The following STARD13 variants were observed in gnomAD, a reference collection of about 807,000 sequenced individuals.
The protein encoded by STARD13 is StAR related lipid transfer domain containing 13, also known as stAR-related lipid transfer protein 13.
In STARD13, 62 loss-of-function variants were observed where a neutral mutation model predicts 106.4. That is an observed-to-expected ratio of 0.58 (90% CI 0.48 to 0.72). The LOEUF (loss-of-function observed/expected upper bound fraction) is 0.72, where lower values mean the gene tolerates loss of function less well. Among genes scored for constraint, STARD13 ranks in the 30% least tolerant of loss-of-function variants. STARD13 has a pLI of 0.00. For missense variants in STARD13, 1,387 were observed against 1,424.0 expected (o/e 0.97, Z 0.42); for synonymous variants, 565 against 553.0 (o/e 1.02, Z -0.31).
chr13:33,603,913 C>T, the STARD13 span, among the ~76,000 whole-genome samples: 1 of 152,028 alleles, frequency 6.6e-6, no homozygotes, highest in South Asian at 2.1e-4. Flanking sequence ...CCTAAAATTC[C>T]AGATAACATA....
chr13:33,521,231 T>A, the STARD13 span, among the ~76,000 whole-genome samples: 1 of 152,248 alleles, frequency 6.6e-6, no homozygotes, highest in South Asian at 2.1e-4. Context: ...TCAGGTAATT[T>A]ATGGCTGAAA....
In STARD13 at chr13:33,295,854, A is replaced by T. The variant is rs185773235; in HGVS notation, c.124+54436T>A. ...GAAAAGATGCCCATGAAGAGAAAAAAACTGCATAAATACTTTCCTATGTGA... is the reference window on the plus strand; with the variant it reads ...GAAAAGATGCCCATGAAGAGAAAAATACTGCATAAATACTTTCCTATGTGA... On this transcript the variant is annotated intron_variant, in intron 1 of 5. Coordinates refer to the STARD13 transcript ENST00000567873. 7.2e-5 allele frequency among the ~76,000 whole-genome samples: 11 copies of T among 152,242 alleles called. No individual in the cohort carries two copies. The East Asian group carries it at 2.1e-3, about 29-fold the overall frequency.
At chr13:33,241,156 T>C (rs1889469880) in intron 1 of STARD13, among the ~76,000 whole-genome samples, 1 of 152,238 alleles carries the variant, frequency 6.6e-6, no homozygotes, top group Non-Finnish European at 1.5e-5. Flanking sequence ...GGTATGAAAT[T>C]GTTTTGTAAA....
the STARD13 span, among the ~76,000 whole-genome samples, chr13:33,653,239 A>G: frequency 6.6e-6 from 1 of 152,202 alleles, no homozygotes. Flanking sequence ...AGGAAGACGA[A>G]CAAAGTTACA....
In STARD13 at chr13:33,261,796, T is replaced by C. The variant is rs529002879; in HGVS notation, c.169+23674A>G. Among the ~76,000 whole-genome samples the C allele has an allele frequency of 1.1e-3, 170 of 152,286 alleles. 1 individual carries two copies. The highest frequency in any genetic ancestry group is 4.0e-3 in the African/African-American group (168 of 41,562). ...TCTCCAGCACAAAAGGGGATTAAAA[T>C]GTCACAGGAAATTTTTTTCTTGAAA... On this transcript the variant is annotated intron_variant, in intron 1 of 13. Coordinates refer to ENST00000336934, the MANE Select transcript of STARD13 (RefSeq NM_178006.4).
At chr13:33,486,919 A>G in the STARD13 span, among the ~76,000 whole-genome samples, 1 of 152,240 alleles carries the variant, frequency 6.6e-6, no homozygotes, top group African/African-American at 2.4e-5. Flanking sequence ...ATATTGCATC[A>G]TTGAAAATAT....
the STARD13 span, among the ~76,000 whole-genome samples, chr13:33,499,805 C>G: frequency 1.4e-5 from 2 of 145,902 alleles, no homozygotes; most frequent in African/African-American, 5.1e-5. Context: ...TACTCTATTC[C>G]CCAGGCTACA....
chr13:33,598,640 A>T, the STARD13 span, among the ~76,000 whole-genome samples: 1 of 152,254 alleles, frequency 6.6e-6, no homozygotes, highest in Non-Finnish European at 1.5e-5. Context: ...ATATTTTCTC[A>T]GTTTTATGGA....
chr13:33,431,638 GT>G, the STARD13 span, among the ~76,000 whole-genome samples: 5 of 152,228 alleles, frequency 3.3e-5, no homozygotes, highest in Middle Eastern at 3.4e-3. Flanking sequence ...TAAAGTGTTG[GT>G]CTTAGTTTTT....
At chr13:33,253,702 C>A (rs1391700792) in intron 1 of STARD13, among the ~76,000 whole-genome samples, 1 of 151,918 alleles carries the variant, frequency 6.6e-6, no homozygotes, top group Non-Finnish European at 1.5e-5. Flanking sequence ...ACCACGGTGA[C>A]CCCCTTCAAT....
chr13:33,259,055 T>C (rs1301316849), intron 1 of STARD13, among the ~76,000 whole-genome samples: 6 of 152,204 alleles, frequency 3.9e-5, no homozygotes, highest in Non-Finnish European at 4.4e-5. Context: ...CCTTGGATCC[T>C]GCACTAATGC....
intron 3 of STARD13, among the ~76,000 whole-genome samples, chr13:33,160,067 G>A (rs1221482689): frequency 6.6e-6 from 1 of 152,114 alleles, no homozygotes; most frequent in Non-Finnish European, 1.5e-5. Flanking sequence ...TCAGAATATT[G>A]CATTCCAGGA....
At chr13:33,170,284 C>T (rs941886631) in intron 1 of STARD13, among the ~76,000 whole-genome samples, 3 of 152,114 alleles carry the variant, frequency 2.0e-5, no homozygotes, top group Non-Finnish European at 2.9e-5. Flanking sequence ...TATATACATA[C>T]GCTTACTATG....
intron 3 of STARD13, among the ~76,000 whole-genome samples, chr13:33,161,711 T>C (rs1245968710): frequency 1.3e-5 from 2 of 152,108 alleles, no homozygotes; most frequent in Non-Finnish European, 2.9e-5. Flanking sequence ...TTTTACTTTA[T>C]ATATATATGT....
chr13:33,300,355 G>T (rs1195088792), intron 1 of STARD13, among the ~76,000 whole-genome samples: 1 of 152,162 alleles, frequency 6.6e-6, no homozygotes, highest in Non-Finnish European at 1.5e-5. Flanking sequence ...GATAGAATAG[G>T]CCTCCTTCCA....
the STARD13 span, among the ~76,000 whole-genome samples, chr13:33,558,366 C>T: frequency 6.6e-6 from 1 of 152,048 alleles, no homozygotes; most frequent in Admixed American, 6.5e-5. Context: ...CTGGAAAGTA[C>T]TAGGGACAAT....
At chr13:33,662,256 C>T in the STARD13 span, among the ~76,000 whole-genome samples, 59 of 140,874 alleles carry the variant, frequency 4.2e-4, no homozygotes, top group African/African-American at 1.2e-3. Flanking sequence ...AGCAAGACCC[C>T]GTCTCAAAAA....
At chr13:33,212,451 C>A (rs1887777669) in intron 1 of STARD13, among the ~76,000 whole-genome samples, 1 of 152,266 alleles carries the variant, frequency 6.6e-6, no homozygotes, top group Non-Finnish European at 1.5e-5. Flanking sequence ...AAATGTCAAC[C>A]TTTCAGATTT....
At chr13:33,339,345 C>T (rs1407622054) in intron 1 of STARD13, among the ~76,000 whole-genome samples, 2 of 152,162 alleles carry the variant, frequency 1.3e-5, no homozygotes, top group Non-Finnish European at 2.9e-5. Context: ...CAACGCTACC[C>T]TCTACTACAC....
Sources: gnomAD v4.1 joint callset for allele counts (sites outside exome capture counted in the v4.1 genomes callset) on GRCh38, gnomAD v4.1.1 for gene constraint, MANE v1.5 for transcripts, NCBI Gene and HGNC (gene_info 2026-07-23, HGNC 2026-07-21) for gene names.